Variants in XKR9 observed in about 807,000 individuals in gnomAD.
The protein encoded by XKR9 is XK-related protein 9.
XKR9 carries 32 observed loss-of-function variants against 32.0 expected under a neutral mutation model. The observed-to-expected ratio is 1.00, with a 90% CI of 0.76 to 1.34. The LOEUF is 1.34. XKR9 is among the 40% of genes most tolerant of loss of function. The probability of loss-of-function intolerance (pLI) is 0.00; values close to 1 mark genes in which losing one functional copy is unlikely to be tolerated. For missense variants in XKR9, 546 were observed against 429.7 expected, an observed-to-expected ratio of 1.27 and a Z score of -2.39; for synonymous variants, 168 against 143.4, an observed-to-expected ratio of 1.17 and a Z score of -1.22.
At chr8:70,749,685 G>T (rs944219054) in intron 2 of XKR9, among the ~76,000 whole-genome samples, 2 of 152,228 alleles carry the variant, frequency 1.3e-5, no homozygotes, top group African/African-American at 4.8e-5. Flanking sequence ...AGTAGTGTGA[G>T]TTGAGCGCAG....
At chr8:70,695,380 A>G (rs1308728771) in intron 3 of XKR9, among the ~76,000 whole-genome samples, 2 of 117,326 alleles carry the variant, frequency 1.7e-5, no homozygotes, top group Non-Finnish European at 3.4e-5. Context: ...TCCTGTGTCC[A>G]TGTGTTCTCA....
chr8:70,715,390 T>G (rs185479755), intron 4 of XKR9, among the ~76,000 whole-genome samples: 2 of 152,236 alleles, frequency 1.3e-5, no homozygotes, highest in Non-Finnish European at 2.9e-5. Context: ...TTTTTGCAAA[T>G]TTTATAAAAA....
chr8:70,796,077 T>C, the XKR9 span, among the ~76,000 whole-genome samples: 7 of 152,150 alleles, frequency 4.6e-5, no homozygotes, highest in East Asian at 1.4e-3. Context: ...TTAGTTTTTG[T>C]TTCATGTTCA....
chr8:70,722,000 A>G (rs1179766049), intron 4 of XKR9, among the ~76,000 whole-genome samples: 1 of 152,144 alleles, frequency 6.6e-6, no homozygotes, highest in African/African-American at 2.4e-5. Context: ...GTGCATATAT[A>G]TTTAGGATAG....
At chr8:70,935,188 T>TAC in the XKR9 span, among the ~76,000 whole-genome samples, 5 of 71,156 alleles carry the variant, frequency 7.0e-5, no homozygotes, top group Non-Finnish European at 7.8e-5. Flanking sequence ...TATATACATA[T>TAC]ATATATACAT....
chr8:70,741,977 T>C (rs1032435819), intron 2 of XKR9, among the ~76,000 whole-genome samples: 7 of 148,568 alleles, frequency 4.7e-5, no homozygotes, highest in African/African-American at 1.2e-4. Context: ...TTTTTTTTTT[T>C]CTTTTGATAA....
the XKR9 span, among the ~76,000 whole-genome samples, chr8:70,863,917 AC>A: frequency 6.6e-6 from 1 of 152,242 alleles, no homozygotes; most frequent in Admixed American, 6.5e-5. Flanking sequence ...TCTTTTTTCC[AC>A]ATAATGATGC....
chr8:70,854,212 C>T, the XKR9 span, among the ~76,000 whole-genome samples: 20 of 152,200 alleles, frequency 1.3e-4, no homozygotes, highest in African/African-American at 2.9e-4. Context: ...TTTTAATGAT[C>T]GGCATTCTAA....
chr8:71,036,957 G>A, the XKR9 span, among the ~76,000 whole-genome samples: 6,690 of 146,264 alleles, frequency 0.046, 504 homozygotes, highest in African/African-American at 0.16. Context: ...TAAGCAATCC[G>A]CCTGCCTTGG....
At chr8:70,979,333 T>A in the XKR9 span, among the ~76,000 whole-genome samples, 1 of 152,228 alleles carries the variant, frequency 6.6e-6, no homozygotes, top group Non-Finnish European at 1.5e-5. Context: ...TTTTTAGAAT[T>A]TTCAGCTTTT....
chr8:70,736,466 T>A (rs56143283), downstream of XKR9, among the ~76,000 whole-genome samples: 33 of 152,230 alleles, frequency 2.2e-4, no homozygotes, highest in African/African-American at 7.7e-4. Context: ...AAGCTCTTTA[T>A]TTTAATTAGA....
chr8:71,033,726 C>T, the XKR9 span, among the ~76,000 whole-genome samples: 4 of 152,100 alleles, frequency 2.6e-5, no homozygotes, highest in Admixed American at 1.3e-4. Context: ...TATCTCACCA[C>T]GTGATCTCTT....
the XKR9 span, among the ~76,000 whole-genome samples, chr8:70,994,101 AT>A: frequency 2.0e-5 from 3 of 152,104 alleles, no homozygotes; most frequent in Non-Finnish European, 2.9e-5. Flanking sequence ...TGAGAAATAA[AT>A]TTTTTTTATT....
At chr8:70,992,197 T>G in the XKR9 span, among the ~76,000 whole-genome samples, 1 of 152,358 alleles carries the variant, frequency 6.6e-6, no homozygotes, top group East Asian at 1.9e-4. Context: ...GCTTTCTGTC[T>G]GTATTCCACA....
At chr8:70,851,335 A>G in the XKR9 span, among the ~76,000 whole-genome samples, 394 of 152,250 alleles carry the variant, frequency 2.6e-3, 4 homozygotes, top group Non-Finnish European at 2.1e-3. Context: ...AAGAATCAAT[A>G]TCATGAAAAT....
chr8:70,887,655 T>A, the XKR9 span, among the ~76,000 whole-genome samples: 1 of 152,028 alleles, frequency 6.6e-6, no homozygotes, highest in South Asian at 2.1e-4. Context: ...CTTTAAGTTG[T>A]ATTCCTAGGT....
At chr8:70,672,825 C>T (rs1173402750) in intron 1 of XKR9, among the ~76,000 whole-genome samples, 1 of 152,146 alleles carries the variant, frequency 6.6e-6, no homozygotes, top group Non-Finnish European at 1.5e-5. Flanking sequence ...TGATGTTGAG[C>T]ATTTTTTCAT....
At chr8:70,828,647 C>G in the XKR9 span, among the ~76,000 whole-genome samples, 1 of 150,778 alleles carries the variant, frequency 6.6e-6, no homozygotes, top group Non-Finnish European at 1.5e-5. Flanking sequence ...CGCTTGAACC[C>G]AGGAGGTGGA....
At chr8:71,060,667 C>T in the XKR9 span, among the ~76,000 whole-genome samples, 1 of 152,232 alleles carries the variant, frequency 6.6e-6, no homozygotes, top group African/African-American at 2.4e-5. Context: ...AGGAGGGCCT[C>T]TCACAACCCT....
Sources: gnomAD v4.1 joint callset for allele counts (sites outside exome capture counted in the v4.1 genomes callset) on GRCh38, gnomAD v4.1.1 for gene constraint, MANE v1.5 for transcripts, NCBI Gene and HGNC (gene_info 2026-07-23, HGNC 2026-07-21) for gene names.